The following MYCBP2 variants were observed in gnomAD, a reference collection of about 807,000 sequenced individuals.
The protein encoded by MYCBP2 is MYC binding protein 2.
In MYCBP2, 120 loss-of-function variants were observed where a neutral mutation model predicts 525.3. That is an observed-to-expected ratio of 0.23 (90% CI 0.20 to 0.27). MYCBP2 has a LOEUF of 0.27. MYCBP2 is among the 10% of genes least tolerant of loss of function. MYCBP2 has a pLI of 1.00. For synonymous variants in MYCBP2, 1,894 were observed against 1,955.8 expected, an observed-to-expected ratio of 0.97 and a Z score of 0.83; for missense variants, 4,149 against 5,657.1, an observed-to-expected ratio of 0.73 and a Z score of 8.55.
intron 14 of MYCBP2, among the ~76,000 whole-genome samples, chr13:77,253,803 T>G (rs990079514): frequency 6.6e-6 from 1 of 152,032 alleles, no homozygotes; most frequent in Non-Finnish European, 1.5e-5. Context: ...ATATCAGATG[T>G]GATGTGGAAA....
chr13:77,247,820 A>C lies in MYCBP2; in HGVS notation c.2381+3331T>G, dbSNP rs530310556. ...CAAGATGGTTCAATAGAGAAAGGAT[A>C]ATCATTTCAATAAACATTGCTGGGA... is the stretch of plus-strand genomic sequence containing the variant. On this transcript the variant is annotated intron_variant, in intron 15 of 82. Coordinates refer to ENST00000544440, the MANE Select transcript of MYCBP2 (RefSeq NM_015057.5). Among the ~76,000 whole-genome samples the C allele has an allele frequency of 3.3e-5, 5 of 152,318 alleles. No individual in the cohort carries two copies. In the South Asian group the frequency reaches 8.3e-4, roughly 25 times the overall value.
At chr13:77,238,643 T>C (rs926004239) in intron 17 of MYCBP2, among the ~76,000 whole-genome samples, 8 of 152,058 alleles carry the variant, frequency 5.3e-5, no homozygotes, top group Admixed American at 3.3e-4. Flanking sequence ...AAAAGATAAA[T>C]TAAAAAAATT....
intron 79 of MYCBP2, 106 bp from the exon 80 acceptor site, chr13:77,055,873 C>CA (rs1030527840): frequency 3.0e-5 from 21 of 711,558 alleles, no homozygotes; most frequent in Non-Finnish European, 4.9e-5. Flanking sequence ...GATAACCAGA[C>CA]AGCACACATA....
At chr13:77,194,023 T>G (rs752347658) in intron 27 of MYCBP2, 130 bp downstream of exon 27, 1 of 533,350 alleles carries the variant, frequency 1.9e-6, no homozygotes, top group Non-Finnish European at 3.3e-6. Flanking sequence ...TAATATATAA[T>G]TTAATTTCTC....
chr13:77,185,221 A>G lies in MYCBP2; in HGVS notation c.4601T>C (p.Leu1534Pro), dbSNP rs1342848275. ...ACATTCCTGAAGGACAGCTTCTAGAAGACTCAAGGGTTGACTGAGATATCC... is the reference window on the plus strand; with the variant it reads ...ACATTCCTGAAGGACAGCTTCTAGAGGACTCAAGGGTTGACTGAGATATCC... The part of the protein sequence containing the change: ...PQGYLSQPLS[L>P]LEAVLQECHN... The change falls in exon 32 of 83, where the codon CTT becomes CCT. Residue 1534 changes from leucine to proline, a missense_variant. Coordinates refer to ENST00000544440, the MANE Select transcript of MYCBP2 (RefSeq NM_015057.5). 5 of 1,614,178 alleles carry G rather than the reference A, an allele frequency of 3.1e-6. No homozygotes were observed. The South Asian group carries it at 5.5e-5, about 18-fold the overall frequency.
At chr13:77,067,988 A>C in intron 70 of MYCBP2, 124 bp from the exon 71 acceptor site, 1 of 864,098 alleles carries the variant, frequency 1.2e-6, no homozygotes, top group Non-Finnish European at 1.7e-6. Context: ...AGTGCAGTGG[A>C]GCAACCACAG....
At chr13:77,083,960 T>C (rs1343083632) in intron 62 of MYCBP2, among the ~76,000 whole-genome samples, 1 of 152,186 alleles carries the variant, frequency 6.6e-6, no homozygotes, top group Non-Finnish European at 1.5e-5. Flanking sequence ...TGATCTGTGT[T>C]CTTTTAACAA....
intron 82 of MYCBP2, among the ~76,000 whole-genome samples, chr13:77,048,614 G>A (rs1215210766): frequency 6.6e-6 from 1 of 152,066 alleles, no homozygotes; most frequent in Non-Finnish European, 1.5e-5. Context: ...TATGTTCTTA[G>A]GCCAGTTCAT....
chr13:77,230,025 T>C (rs960850355), intron 18 of MYCBP2, among the ~76,000 whole-genome samples: 12 of 152,202 alleles, frequency 7.9e-5, no homozygotes, highest in African/African-American at 2.9e-4. Flanking sequence ...GTTTCGAATA[T>C]AGTTTATAGG....
intron 30 of MYCBP2, among the ~76,000 whole-genome samples, chr13:77,187,176 G>A (rs2060808337): frequency 6.6e-6 from 1 of 152,042 alleles, no homozygotes; most frequent in Non-Finnish European, 1.5e-5. Flanking sequence ...TTACCTAATG[G>A]CCACAAAACC....
chr13:77,276,377 T>C (rs1002054965), intron 4 of MYCBP2, among the ~76,000 whole-genome samples: 40 of 152,012 alleles, frequency 2.6e-4, no homozygotes, highest in African/African-American at 9.2e-4. Context: ...GATTGTGATA[T>C]TAGATTAAAA....
At chr13:77,059,661 T>C (rs920618141) in intron 76 of MYCBP2, 35 bp from the exon 77 acceptor site, 6 of 1,483,836 alleles carry the variant, frequency 4.0e-6, no homozygotes, top group Admixed American at 1.7e-5. Flanking sequence ...ATCCTTCTTA[T>C]GGATGTTTTC....
intron 46 of MYCBP2, among the ~76,000 whole-genome samples, chr13:77,154,512 A>G (rs754783152): frequency 6.6e-6 from 1 of 152,124 alleles, no homozygotes; most frequent in Non-Finnish European, 1.5e-5. Flanking sequence ...AGATATAAAC[A>G]TACCAGATAT....
In MYCBP2 at chr13:77,064,569, T is replaced by C. The variant is rs1483245578; in HGVS notation, c.12672+46A>G. On this transcript the variant is annotated intron_variant, in intron 73 of 82. Coordinates refer to ENST00000544440, the MANE Select transcript of MYCBP2 (RefSeq NM_015057.5). ...TCTATTACTAAAAAAGAACACGCAATGATACACACCAAATTTAAAACAAAA... is the reference window on the plus strand; with the variant it reads ...TCTATTACTAAAAAAGAACACGCAACGATACACACCAAATTTAAAACAAAA... 5 of 1,540,720 alleles carry C rather than the reference T, an allele frequency of 3.2e-6. No individual in the cohort carries two copies. In the South Asian group the frequency reaches 3.7e-5, roughly 11 times the overall value.
rs528497370 is a variant in MYCBP2, at chr13:77,045,349, T to G, written c.*29A>C. On this transcript the variant is annotated 3_prime_UTR_variant, in exon 83 of 83. Transcript: ENST00000544440. ...CCTCTTGGGGGATGAAGGCAATTTT[T>G]CTCTCTGTAGACAAAGGATCTGCGT... The G allele has an allele frequency of 5.8e-5, 91 of 1,556,872 alleles. No individual in the cohort carries two copies. The highest frequency in any genetic ancestry group is 7.8e-5 in the Non-Finnish European group (88 of 1,130,782).
chr13:77,176,739 T>A, intron 35 of MYCBP2, 111 bp from the exon 36 acceptor site: 1 of 909,158 alleles, frequency 1.1e-6, no homozygotes, highest in Non-Finnish European at 1.5e-6. Context: ...GAATATAAAA[T>A]TAGCCATTAG....
chr13:77,300,162 C>T (rs114812291), intron 1 of MYCBP2, among the ~76,000 whole-genome samples: 1,965 of 152,206 alleles, frequency 0.013, 41 homozygotes, highest in African/African-American at 0.044. Flanking sequence ...TTTAATAAAT[C>T]CAAATTTACA....
intron 26 of MYCBP2, among the ~76,000 whole-genome samples, chr13:77,201,675 G>C (rs917035563): frequency 2.0e-5 from 3 of 151,306 alleles, no homozygotes; most frequent in Non-Finnish European, 4.4e-5. Context: ...TAAAAGAACA[G>C]AAATTATAAC....
At chr13:77,093,402 T>C (rs981905002) in intron 58 of MYCBP2, 70 bp from the exon 59 acceptor site, 1 of 1,350,310 alleles carries the variant, frequency 7.4e-7, no homozygotes, top group Non-Finnish European at 1.0e-6. Context: ...TTAATCTCTT[T>C]CATAACAGGA....
Sources: gnomAD v4.1 joint callset for allele counts (sites outside exome capture counted in the v4.1 genomes callset) on GRCh38, gnomAD v4.1.1 for gene constraint, MANE v1.5 for transcripts, NCBI Gene and HGNC (gene_info 2026-07-23, HGNC 2026-07-21) for gene names.